PGM2: variants seen among roughly 807,000 people sequenced by gnomAD.
The protein encoded by PGM2 is phosphoglucomutase 2.
PGM2 carries 57 observed loss-of-function variants against 74.6 expected under a neutral mutation model. The ratio of observed to expected loss-of-function variants is 0.76; its 90% CI spans 0.62 to 0.95. The LOEUF is 0.95. Among genes scored for constraint, PGM2 ranks in the 40% least tolerant of loss-of-function variants. The pLI is 0.00. For synonymous variants in PGM2, 273 were observed against 260.7 expected (o/e 1.05, Z -0.46); for missense variants, 706 against 741.9 (o/e 0.95, Z 0.56).
At chr4:37,858,763 C>T (rs1049545325) in intron 13 of PGM2, among the ~76,000 whole-genome samples, 2 of 152,110 alleles carry the variant, frequency 1.3e-5, no homozygotes, top group Non-Finnish European at 2.9e-5. Flanking sequence ...TTCTAATCAA[C>T]TAAAATGGAA....
At chr4:37,829,806 A>G (rs552931015) in intron 1 of PGM2, among the ~76,000 whole-genome samples, 158 bp from the exon 2 acceptor site, 1 of 152,052 alleles carries the variant, frequency 6.6e-6, no homozygotes, top group Admixed American at 6.6e-5. Context: ...AACTGACTTC[A>G]TATTTCAGAT....
intron 13 of PGM2, among the ~76,000 whole-genome samples, chr4:37,860,410 T>C (rs1309483021): frequency 1.3e-5 from 2 of 152,242 alleles, no homozygotes; most frequent in African/African-American, 4.8e-5. Flanking sequence ...TATCGCAATC[T>C]GTACAGAAAC....
At position 37,858,058 on chromosome 4, in the gene PGM2, G is replaced by A. The variant is rs377216691; in HGVS notation, c.1736+2317G>A. ...CTGATGAAAATATATCTTATACTTC[G>A]GAAAGCTTTCCTTTGTAATGATAAC... On this transcript the variant is annotated intron_variant, in intron 13 of 13. Coordinates refer to ENST00000381967, the MANE Select transcript of PGM2 (RefSeq NM_018290.4). Among the ~76,000 whole-genome samples the A allele has an allele frequency of 4.8e-4, 73 of 151,660 alleles. No homozygotes were observed. The South Asian group carries it at 0.012, about 25-fold the overall frequency.
intron 1 of PGM2, among the ~76,000 whole-genome samples, chr4:37,828,580 T>G (rs959480419): frequency 3.3e-5 from 5 of 152,178 alleles, no homozygotes; most frequent in African/African-American, 1.2e-4. Flanking sequence ...TCAGTTTTGC[T>G]CACTGCCAGG....
At chr4:37,841,269 G>C (rs1424622763) in intron 6 of PGM2, among the ~76,000 whole-genome samples, 1 of 150,526 alleles carries the variant, frequency 6.6e-6, no homozygotes, top group Admixed American at 6.7e-5. Flanking sequence ...CTGACTTTCT[G>C]TCTTAAAGGC....
In PGM2 at chr4:37,826,696, G is replaced by A. The variant is rs182665316; in HGVS notation, c.-37G>A. ...GCCGGGCCGGAAGGCAGATCTCACC[G>A]CCTGCTTCCCTCTGCAGCGGTAGCA... is the stretch of plus-strand genomic sequence containing the variant. On this transcript the variant is annotated 5_prime_UTR_variant, in exon 1 of 14. Coordinates refer to ENST00000381967, the MANE Select transcript of PGM2 (RefSeq NM_018290.4). 1.0e-5 allele frequency: 15 copies of A among 1,505,904 alleles called. No homozygotes were observed. The East Asian group carries it at 3.7e-4, about 37-fold the overall frequency. The allele number at this position is 1,505,904 out of a possible 1,614,324, so 93.3% of individuals were successfully genotyped here.
Position 37,852,631 on chromosome 4 carries a change from G to A in PGM2, c.1602+2258G>A, listed in dbSNP as rs73808089. 6.5e-3 allele frequency among the ~76,000 whole-genome samples: 995 copies of A among 152,248 alleles called. 9 individuals carry two copies. Among genetic ancestry groups the A allele is most frequent in the African/African-American group, 0.022 (929 of 41,524 alleles). ...GTTTTGAAAGCATTGCTCCATTATT[G>A]TTGGGCTTCCAGCATTGCTATTGAG... On this transcript the variant is annotated intron_variant, in intron 12 of 13. Coordinates refer to ENST00000381967, the MANE Select transcript of PGM2 (RefSeq NM_018290.4).
chr4:37,860,135 G>T (rs1711717449), intron 13 of PGM2, among the ~76,000 whole-genome samples: 1 of 152,074 alleles, frequency 6.6e-6, no homozygotes, highest in African/African-American at 2.4e-5. Flanking sequence ...AAATAAATTT[G>T]AATAATAAAT....
chr4:37,840,295 T>A (rs1280645522), intron 6 of PGM2, 36 bp downstream of exon 6: 1 of 1,311,856 alleles, frequency 7.6e-7, no homozygotes, highest in South Asian at 1.2e-5. Flanking sequence ...CTTAAGTGAG[T>A]TAATGTGATT....
intron 13 of PGM2, among the ~76,000 whole-genome samples, chr4:37,858,769 T>C (rs1711654985): frequency 6.6e-6 from 1 of 152,170 alleles, no homozygotes; most frequent in South Asian, 2.1e-4. Flanking sequence ...TCAACTAAAA[T>C]GGAAAATCCT....
chr4:37,841,158 T>TGTGTGTGTGTGTGTG (rs1577676435), intron 6 of PGM2, among the ~76,000 whole-genome samples: 5 of 101,456 alleles, frequency 4.9e-5, no homozygotes, highest in African/African-American at 2.7e-4. Context: ...ATAGGAATAT[T>TGTGTGTGTGTGTGTG]TGTGTGTGTG....
chr4:37,855,219 C>T (rs1726161339), intron 12 of PGM2, among the ~76,000 whole-genome samples: 1 of 152,154 alleles, frequency 6.6e-6, no homozygotes, highest in Admixed American at 6.5e-5. Flanking sequence ...CCAGTCAGCC[C>T]CTGGTAACCA....
At position 37,830,039 on chromosome 4, in the gene PGM2, G is replaced by A. The variant is rs1380807071; in HGVS notation, c.157G>A (p.Ala53Thr). The A allele has an allele frequency of 6.2e-7, 1 of 1,607,194 alleles. No individual in the cohort carries two copies. Among genetic ancestry groups the A allele is most frequent in the South Asian group, 1.1e-5 (1 of 90,176 alleles). The change falls in exon 2 of 14, where the codon GCC (alanine) becomes ACC (threonine). Residue 53 changes from alanine (A) to threonine (T), a missense_variant. This residue lies in a region of PGM2 where 332 missense variants were observed against 334.9 expected (regional missense o/e 0.99). Coordinates refer to ENST00000381967, the MANE Select transcript of PGM2 (RefSeq NM_018290.4). The stretch of plus-strand genomic sequence containing the variant: ...AGAAGAACTACGAAAATGTTTTGGG[G>A]CCCGAATGGAGTTTGGGACAGCTGG... ...NKEELRKCFG[A>T]RMEFGTAGLR...
In PGM2 at chr4:37,842,994, T is replaced by A. The variant is rs944899090; in HGVS notation, c.720-1370T>A. Among the ~76,000 whole-genome samples the A allele has an allele frequency of 2.0e-5, 3 of 152,142 alleles. No individual in the cohort carries two copies. In the South Asian group the frequency reaches 6.2e-4, roughly 31 times the overall value. ...TAATTTCATTTAATCCTCAGAGTAA[T>A]GCCAGTAAATTCTGGTATATTATCA... is the stretch of plus-strand genomic sequence containing the variant. On this transcript the variant is annotated intron_variant, in intron 6 of 13. Transcript: ENST00000381967.
chr4:37,837,629 C>G lies in PGM2; in HGVS notation c.441+16C>G. ...CCCCTTTGTGGTAAGTAGCCATTTC[C>G]TTTCATAATTTCCTGTCACATGATC... On this transcript the variant is annotated intron_variant, in intron 4 of 13. Transcript: ENST00000381967. 6.6e-7 allele frequency: 1 copy of G among 1,520,348 alleles called. No homozygotes were observed. Among genetic ancestry groups the G allele is most frequent in the East Asian group, 2.3e-5 (1 of 44,426 alleles). 94.2% of individuals were successfully genotyped at this position (1,520,348 alleles called of 1,614,324 possible).
chr4:37,846,029 T>A (rs1725860867), intron 8 of PGM2, among the ~76,000 whole-genome samples: 1 of 152,214 alleles, frequency 6.6e-6, no homozygotes, highest in Admixed American at 6.5e-5. Flanking sequence ...ATAAGTAATG[T>A]CTCAGTGTCT....
intron 1 of PGM2, among the ~76,000 whole-genome samples, chr4:37,827,015 G>A (rs899666731): frequency 4.6e-5 from 7 of 152,272 alleles, no homozygotes; most frequent in Non-Finnish European, 1.0e-4. Flanking sequence ...GTTAGGCCGG[G>A]AAGGCTTGTC....
chr4:37,842,836 AT>A (rs1311744867), intron 6 of PGM2, among the ~76,000 whole-genome samples: 1 of 151,462 alleles, frequency 6.6e-6, no homozygotes, highest in Admixed American at 6.6e-5. Flanking sequence ...AATTTTTTGT[AT>A]TTTTTTGTAG....
At chr4:37,851,060 A>G (rs1370798474) in intron 12 of PGM2, among the ~76,000 whole-genome samples, 1 of 151,864 alleles carries the variant, frequency 6.6e-6, no homozygotes, top group African/African-American at 2.4e-5. Flanking sequence ...TTAGGCAATA[A>G]GTGATCAGAA....
Sources: allele counts gnomAD v4.1 joint callset (sites outside exome capture counted in the v4.1 genomes callset), GRCh38; gene constraint gnomAD v4.1.1; regional missense constraint gnomAD v4.1.1; transcripts MANE v1.5; gene names NCBI Gene and HGNC (gene_info 2026-07-23, HGNC 2026-07-21).